Variants in ZNF280C observed in about 807,000 individuals in gnomAD.
ZNF280C encodes zinc finger protein 280C.
ZNF280C carries 14 observed loss-of-function variants against 53.6 expected under a neutral mutation model. That is an observed-to-expected ratio of 0.26 (90% CI 0.17 to 0.41). The LOEUF (loss-of-function observed/expected upper bound fraction) is 0.41. Ranked by LOEUF, ZNF280C falls within the 10% of genes least tolerant of loss-of-function variation. The probability of loss-of-function intolerance (pLI) is 1.00; values close to 1 mark genes in which losing one functional copy is unlikely to be tolerated. For synonymous variants in ZNF280C, 203 were observed against 181.1 expected, an observed-to-expected ratio of 1.12 and a Z score of -0.97; for missense variants, 416 against 547.1, an observed-to-expected ratio of 0.76 and a Z score of 2.39.
rs1460468510 is a variant in ZNF280C, at chrX:130,226,929, T to G, written c.1249-24A>C. ...ACCTAGAAATATAAAGAAGGCTTAG[T>G]TTAACTTGATATTTTATAACTTCTT... On this transcript the variant is annotated intron_variant, in intron 11 of 18. Transcript: ENST00000370978. The G allele has an allele frequency of 3.4e-6, 4 of 1,163,168 alleles. No individual in the cohort carries two copies. In the African/African-American group the frequency reaches 7.2e-5, roughly 21 times the overall value.
intron 17 of ZNF280C, 26 bp from the exon 18 acceptor site, chrX:130,205,179 A>AC: frequency 6.8e-6 from 8 of 1,177,195 alleles, no homozygotes; most frequent in Non-Finnish European, 9.2e-6. Flanking sequence ...TTTTACATTT[A>AC]CAATAGCATA....
intron 1 of ZNF280C, among the ~76,000 whole-genome samples, chrX:130,268,004 G>A (rs1456619424): frequency 1.8e-5 from 2 of 112,012 alleles, no homozygotes; most frequent in East Asian, 2.8e-4. Context: ...CCTTAAAAAA[G>A]CATTAAAACC....
At position 130,203,687 on chromosome X, in the gene ZNF280C, A is replaced by T. The variant is rs926408589; in HGVS notation, c.*1290T>A. 1 of 112,041 alleles carries T rather than the reference A, an allele frequency of 8.9e-6. No individual in the cohort carries two copies. The highest frequency in any genetic ancestry group is 3.2e-5 in the African/African-American group (1 of 30,838). 9.2% of individuals were successfully genotyped at this position (112,041 alleles called of 1,213,427 possible). On this transcript the variant is annotated 3_prime_UTR_variant, in exon 19 of 19. Transcript: ENST00000370978. The stretch of plus-strand genomic sequence containing the variant: ...TAAAAAAAGAAAAAAAATAAAGTGA[A>T]TATCAGTATTGCTGAAAATTCCTAG...
rs1012455571 is a variant in ZNF280C at position 130,204,774 on chromosome X, A to C, written c.*203T>G. 1 of 327,440 alleles carries C rather than the reference A, an allele frequency of 3.1e-6. No homozygotes were observed. The highest frequency in any genetic ancestry group is 5.4e-6 in the Non-Finnish European group (1 of 185,773). The allele number at this position is 327,440 out of a possible 1,213,427, so 27.0% of individuals were successfully genotyped here. A position where few individuals can be genotyped will look rare whatever the true frequency, so the allele number is the denominator to read the frequency against. On this transcript the variant is annotated 3_prime_UTR_variant, in exon 19 of 19. Transcript: ENST00000370978. ...AGCCAACTGGAGAAAAAAATATGTT[A>C]AGATATGTTAACCTGACGCAAAGAT...
At chrX:130,228,574 C>T (rs1473052373) in intron 10 of ZNF280C, among the ~76,000 whole-genome samples, 7 of 107,442 alleles carry the variant, frequency 6.5e-5, no homozygotes, top group Non-Finnish European at 9.6e-5. Context: ...TGAGCCACTG[C>T]GCCCGACCAA....
intron 2 of ZNF280C, among the ~76,000 whole-genome samples, chrX:130,248,548 T>C (rs2032473292): frequency 9.0e-6 from 1 of 111,275 alleles, no homozygotes; most frequent in Non-Finnish European, 1.9e-5. Context: ...GCTCTGCTTG[T>C]TTCCATAGGA....
At chrX:130,228,432 C>T (rs140475123) in intron 10 of ZNF280C, among the ~76,000 whole-genome samples, 3,086 of 108,683 alleles carry the variant, frequency 0.028, 47 homozygotes, top group Non-Finnish European at 0.044. Context: ...TACAGGCGTG[C>T]GCCACCTTGC....
intron 1 of ZNF280C, among the ~76,000 whole-genome samples, chrX:130,266,692 A>G (rs1337767794): frequency 8.9e-6 from 1 of 112,108 alleles, no homozygotes; most frequent in Non-Finnish European, 1.9e-5. Flanking sequence ...GCAAATGAAT[A>G]AAGTCTAGAC....
rs113967220 is a variant in ZNF280C, at chrX:130,204,837, A to G, written c.*140T>C. On this transcript the variant is annotated 3_prime_UTR_variant, in exon 19 of 19. Coordinates refer to ENST00000370978, the MANE Select transcript of ZNF280C (RefSeq NM_017666.5). ...CAATGTAGTGGCATCTGAAAGCTGA[A>G]AAGAGCTGAATAATGAGAGCTAGTG... 4.4e-5 allele frequency: 20 copies of G among 454,518 alleles called. No individual in the cohort carries two copies. The African/African-American group carries it at 5.1e-4, about 12-fold the overall frequency. The allele number at this position is 454,518 out of a possible 1,213,427, so 37.5% of individuals were successfully genotyped here.
chrX:130,267,411 T>C (rs2124720965), intron 1 of ZNF280C, among the ~76,000 whole-genome samples: 1 of 111,752 alleles, frequency 8.9e-6, no homozygotes, highest in East Asian at 2.8e-4. Flanking sequence ...AGACATAATA[T>C]ACCAAATTGA....
chrX:130,265,413 G>A (rs1475425209), intron 1 of ZNF280C, among the ~76,000 whole-genome samples: 1 of 112,022 alleles, frequency 8.9e-6, no homozygotes, highest in Non-Finnish European at 1.9e-5. Flanking sequence ...ATATAATATG[G>A]GGAAAAGACT....
At chrX:130,230,216 T>C (rs2032262822) in intron 9 of ZNF280C, among the ~76,000 whole-genome samples, 1 of 111,866 alleles carries the variant, frequency 8.9e-6, no homozygotes, top group Non-Finnish European at 1.9e-5. Flanking sequence ...AAGTTTTTCA[T>C]GAAACCGTCT....
intron 2 of ZNF280C, among the ~76,000 whole-genome samples, chrX:130,254,677 T>C (rs1349226514): frequency 9.0e-6 from 1 of 111,317 alleles, no homozygotes; most frequent in Non-Finnish European, 1.9e-5. Flanking sequence ...TAATACCACA[T>C]GTTATCACTT....
At chrX:130,205,459 T>C in intron 16 of ZNF280C, 44 bp from the exon 17 acceptor site, 1 of 921,965 alleles carries the variant, frequency 1.1e-6, no homozygotes, top group South Asian at 2.4e-5. Flanking sequence ...TTATCATTTA[T>C]GAAAATCCAT....
chrX:130,255,279 T>C (rs2032556887), intron 2 of ZNF280C, among the ~76,000 whole-genome samples: 2 of 102,014 alleles, frequency 2.0e-5, no homozygotes, highest in Admixed American at 2.1e-4. Context: ...TAGCTGGGAC[T>C]ACAGGCGCCC....
intron 1 of ZNF280C, among the ~76,000 whole-genome samples, chrX:130,261,288 G>T (rs1194061609): frequency 8.9e-6 from 1 of 112,159 alleles, no homozygotes; most frequent in Non-Finnish European, 1.9e-5. Context: ...TGTATCCTGA[G>T]TTCTCGTGCA....
At chrX:130,265,184 T>C (rs1296704454) in intron 1 of ZNF280C, among the ~76,000 whole-genome samples, 3 of 112,189 alleles carry the variant, frequency 2.7e-5, no homozygotes, top group Non-Finnish European at 5.6e-5. Flanking sequence ...CTCTGTTAAT[T>C]TTCATACTTC....
rs764197693 is a variant in ZNF280C at position 130,260,456 on chromosome X, G to T, written c.-7C>A. The T allele has an allele frequency of 8.4e-7, 1 of 1,196,409 alleles. No homozygotes were observed. Among genetic ancestry groups the T allele is most frequent in the East Asian group, 3.0e-5 (1 of 33,091 alleles). ...AAGGTTTGTCGTCATCCATGAAGTT[G>T]CAAGGTCACCTAAGTACGAACACAT... On this transcript the variant is annotated 5_prime_UTR_variant, in exon 2 of 19. Transcript: ENST00000370978.
intron 2 of ZNF280C, among the ~76,000 whole-genome samples, chrX:130,251,282 CAAAAA>C (rs61571389): frequency 5.2e-4 from 8 of 15,357 alleles, no homozygotes; most frequent in Non-Finnish European, 6.9e-4. Context: ...GGACCTGTCT[CAAAAA>C]AAAAAAAAAA....
Sources: allele counts gnomAD v4.1 joint callset (sites outside exome capture counted in the v4.1 genomes callset), GRCh38; gene constraint gnomAD v4.1.1; transcripts MANE v1.5; gene names NCBI Gene and HGNC (gene_info 2026-07-23, HGNC 2026-07-21).